Variants in GALNT7 observed in about 807,000 individuals in gnomAD.
The protein encoded by GALNT7 is polypeptide N-acetylgalactosaminyltransferase 7, also known as N-acetylgalactosaminyltransferase 7.
In GALNT7, 60 loss-of-function variants were observed where a neutral mutation model predicts 82.1. The ratio of observed to expected loss-of-function variants is 0.73; its 90% CI spans 0.59 to 0.91. The LOEUF (loss-of-function observed/expected upper bound fraction) is 0.91. Among genes scored for constraint, GALNT7 ranks in the 40% least tolerant of loss-of-function variants. The probability of loss-of-function intolerance (pLI) is 0.00; values close to 1 mark genes in which losing one functional copy is unlikely to be tolerated. For missense variants in GALNT7, 660 were observed against 804.2 expected, an observed-to-expected ratio of 0.82 and a Z score of 2.17; for synonymous variants, 243 against 275.1, an observed-to-expected ratio of 0.88 and a Z score of 1.15.
chr4:173,286,671 G>T (rs1736334682), intron 2 of GALNT7, among the ~76,000 whole-genome samples: 1 of 152,202 alleles, frequency 6.6e-6, no homozygotes, highest in Non-Finnish European at 1.5e-5. Context: ...GCTTTAGTTG[G>T]TTAAAGGCAG....
chr4:173,233,960 C>T (rs2082120561), intron 1 of GALNT7, among the ~76,000 whole-genome samples: 1 of 152,118 alleles, frequency 6.6e-6, no homozygotes, highest in Non-Finnish European at 1.5e-5. Flanking sequence ...GTATCGTTTC[C>T]ACATCTCCCA....
At chr4:173,210,485 G>C (rs1010192690) in intron 1 of GALNT7, among the ~76,000 whole-genome samples, 1 of 152,058 alleles carries the variant, frequency 6.6e-6, no homozygotes, top group Non-Finnish European at 1.5e-5. Flanking sequence ...ACAGGGTCTT[G>C]CTCTGTCGCC....
intron 9 of GALNT7, among the ~76,000 whole-genome samples, chr4:173,314,446 C>G (rs1737516980): frequency 6.6e-6 from 1 of 152,176 alleles, no homozygotes; most frequent in African/African-American, 2.4e-5. Flanking sequence ...GCCTCTTACT[C>G]CAACTCCCTT....
chr4:173,295,297 G>A lies in GALNT7; in HGVS notation c.755-99G>A, dbSNP rs1196503146. 11 of 781,406 alleles carry A rather than the reference G, an allele frequency of 1.4e-5. No homozygotes were observed. In the East Asian group the frequency reaches 2.5e-4, roughly 18 times the overall value. 48.4% of individuals were successfully genotyped at this position (781,406 alleles called of 1,614,324 possible). On this transcript the variant is annotated intron_variant, in intron 3 of 11. Coordinates refer to ENST00000265000, the MANE Select transcript of GALNT7 (RefSeq NM_017423.3). Reference sequence around the variant, plus strand: ...GCAATCTGGTCCATGTAAAATTACTGTCTACCCAATGCACCTGTATTCTTG... The same window carrying A: ...GCAATCTGGTCCATGTAAAATTACTATCTACCCAATGCACCTGTATTCTTG...
chr4:173,307,853 A>T (rs1048982876), intron 8 of GALNT7, among the ~76,000 whole-genome samples: 1 of 152,186 alleles, frequency 6.6e-6, no homozygotes, highest in Non-Finnish European at 1.5e-5. Context: ...AGCTTTGCCC[A>T]AAGTAATTCA....
intron 2 of GALNT7, among the ~76,000 whole-genome samples, chr4:173,258,467 C>G (rs74657306): frequency 6.6e-6 from 1 of 152,350 alleles, no homozygotes; most frequent in Non-Finnish European, 1.5e-5. Flanking sequence ...ACATAATTAA[C>G]TCTGTTGCTG....
Position 173,302,130 on chromosome 4 carries a change from T to C in GALNT7, c.1232T>C (p.Ile411Thr). Reference sequence around the variant, plus strand: ...GGTCTCTATGATCCAGGTCTCCAGATTTGGGGTGGTGAAAACTTTGAGATC... The same window carrying C: ...GGTCTCTATGATCCAGGTCTCCAGACTTGGGGTGGTGAAAACTTTGAGATC... The part of the protein sequence containing the change: ...ELGLYDPGLQ[I>T]WGGENFEISY... Residue 411 changes from isoleucine (I) to threonine (T), a missense_variant, in exon 7 of 12, where the codon ATT (isoleucine) becomes ACT (threonine). Transcript: ENST00000265000. This position sits in a 1 kb window ranked among gnomAD's most constrained non-coding sequence, Gnocchi z 4.2. 6.4e-7 allele frequency: 1 copy of C among 1,568,114 alleles called. No individual in the cohort carries two copies. Among genetic ancestry groups the C allele is most frequent in the Non-Finnish European group, 8.8e-7 (1 of 1,138,132 alleles).
Position 173,295,372 on chromosome 4 carries a change from A to G in GALNT7, c.755-24A>G, listed in dbSNP as rs374148726. ...TTGGTTTCTATTCGTCTAATTTATA[A>G]TATCGATTGATTTTTCTTAACAGAA... On this transcript the variant is annotated intron_variant, in intron 3 of 11. Coordinates refer to ENST00000265000, the MANE Select transcript of GALNT7 (RefSeq NM_017423.3). 3 of 1,464,720 alleles carry G rather than the reference A, an allele frequency of 2.0e-6. No homozygotes were observed. In the East Asian group the frequency reaches 6.8e-5, roughly 33 times the overall value. The allele number at this position is 1,464,720 out of a possible 1,614,324, so 90.7% of individuals were successfully genotyped here. A position where few individuals can be genotyped will look rare whatever the true frequency, so the allele number is the denominator to read the frequency against.
intron 1 of GALNT7, among the ~76,000 whole-genome samples, chr4:173,216,719 A>ATTTTTT (rs1269758613): frequency 6.7e-4 from 9 of 13,472 alleles, no homozygotes; most frequent in African/African-American, 1.4e-3. Context: ...ATATATATAT[A>ATTTTTT]TATATATATT....
intron 1 of GALNT7, among the ~76,000 whole-genome samples, chr4:173,199,323 C>T (rs542529991): frequency 1.3e-5 from 2 of 152,226 alleles, no homozygotes; most frequent in East Asian, 1.9e-4. Context: ...CCGCCACTTA[C>T]TTGATAACCT....
chr4:173,204,793 T>C lies in GALNT7; in HGVS notation c.126+35832T>C, dbSNP rs76723276. Among the ~76,000 whole-genome samples the C allele has an allele frequency of 5.7e-3, 869 of 152,382 alleles. 2 individuals are homozygous for C. The highest frequency in any genetic ancestry group is 0.031 in the Middle Eastern group (9 of 294). ...TTTGAATTCTGTGTCAGACAGTTCA[T>C]ATATCTCCATTTTGGCAGGGGGCAG... On this transcript the variant is annotated intron_variant, in intron 1 of 11. Coordinates refer to ENST00000265000, the MANE Select transcript of GALNT7 (RefSeq NM_017423.3).
At chr4:173,237,215 A>T (rs912437149) in intron 1 of GALNT7, among the ~76,000 whole-genome samples, 2 of 152,118 alleles carry the variant, frequency 1.3e-5, no homozygotes, top group Non-Finnish European at 2.9e-5. Context: ...ATTTTTTCAG[A>T]TTGCCAAGAG....
intron 1 of GALNT7, among the ~76,000 whole-genome samples, chr4:173,221,645 T>C (rs1733647599): frequency 6.6e-6 from 1 of 152,212 alleles, no homozygotes; most frequent in African/African-American, 2.4e-5. Context: ...GCATTTGATT[T>C]ATAGAGAACT....
At chr4:173,210,272 G>A (rs913042144) in intron 1 of GALNT7, among the ~76,000 whole-genome samples, 3 of 152,086 alleles carry the variant, frequency 2.0e-5, no homozygotes, top group Non-Finnish European at 4.4e-5. Context: ...CCTATGCTTC[G>A]GAGTCTCTGT....
intron 1 of GALNT7, among the ~76,000 whole-genome samples, chr4:173,218,340 A>C (rs1733535860): frequency 6.6e-6 from 1 of 152,188 alleles, no homozygotes; most frequent in Non-Finnish European, 1.5e-5. Flanking sequence ...TTAGCTACTA[A>C]TCCAATTGAA....
chr4:173,215,747 CTG>C (rs1382591039), intron 1 of GALNT7, among the ~76,000 whole-genome samples: 2 of 152,152 alleles, frequency 1.3e-5, no homozygotes, highest in Non-Finnish European at 2.9e-5. Flanking sequence ...TATTTTGAAA[CTG>C]TTCCAGTAAT....
intron 2 of GALNT7, among the ~76,000 whole-genome samples, chr4:173,283,984 C>G (rs73001556): frequency 0.03 from 4,561 of 152,240 alleles, 121 homozygotes; most frequent in African/African-American, 0.074. Context: ...AGGAGTATAC[C>G]TTACTTAGTT....
At chr4:173,255,247 G>T (rs1303879646) in intron 2 of GALNT7, among the ~76,000 whole-genome samples, 1 of 152,076 alleles carries the variant, frequency 6.6e-6, no homozygotes, top group African/African-American at 2.4e-5. Context: ...CCCTTGATAG[G>T]TTCTAGATGG....
At chr4:173,211,589 G>A (rs527872276) in intron 1 of GALNT7, among the ~76,000 whole-genome samples, 1 of 152,294 alleles carries the variant, frequency 6.6e-6, no homozygotes, top group South Asian at 2.1e-4. Context: ...CAACAAAAGG[G>A]AGTTTCAAGT....
Sources: allele counts gnomAD v4.1 joint callset (sites outside exome capture counted in the v4.1 genomes callset), GRCh38; gene constraint gnomAD v4.1.1; non-coding constraint Gnocchi (gnomAD v3.1); transcripts MANE v1.5; gene names NCBI Gene and HGNC (gene_info 2026-07-23, HGNC 2026-07-21).